ZNF282: variants seen among roughly 807,000 people sequenced by gnomAD.
The protein encoded by ZNF282 is zinc finger protein 282.
ZNF282 carries 30 observed loss-of-function variants against 61.9 expected under a neutral mutation model. That is an observed-to-expected ratio of 0.48 (90% CI 0.36 to 0.66). The LOEUF (loss-of-function observed/expected upper bound fraction) is 0.66. Among genes scored for constraint, ZNF282 ranks in the 30% least tolerant of loss-of-function variants. The pLI, the probability that ZNF282 is intolerant of heterozygous loss-of-function variation, is 0.00. For missense variants in ZNF282, 788 were observed against 941.4 expected, an observed-to-expected ratio of 0.84 and a Z score of 2.13; for synonymous variants, 396 against 405.0, an observed-to-expected ratio of 0.98 and a Z score of 0.27.
chr7:149,214,417 G>A (rs970072395), intron 7 of ZNF282, among the ~76,000 whole-genome samples: 2 of 152,172 alleles, frequency 1.3e-5, no homozygotes, highest in Admixed American at 6.6e-5. Flanking sequence ...TTGGTGGGGA[G>A]GGGGGAAGGC....
Position 149,198,427 on chromosome 7 carries a change from G to A in ZNF282, c.260G>A (p.Arg87Gln), listed in dbSNP as rs760179364. The part of the protein sequence containing the change: ...RAPVFPDRMM[R>Q]EPQLPTAEIS... Reference sequence around the variant, plus strand: ...CCTGTCTTCCCCGACCGCATGATGCGAGAGCCCCAGTTGCCCACAGCAGAG... The same window carrying A: ...CCTGTCTTCCCCGACCGCATGATGCAAGAGCCCCAGTTGCCCACAGCAGAG... The change falls in exon 2 of 8, where the codon CGA (arginine) becomes CAA (glutamine). Residue 87 changes from arginine to glutamine, a missense_variant. Physicochemically the swap from Arg to Gln is conservative, Grantham distance 43 (BLOSUM62 1). Around this residue, in one of 3 missense-constraint regions of ZNF282, gnomAD observed 137 missense variants for 135.4 expected, o/e 1.01. Transcript: ENST00000610704. The surrounding 1 kb of genome is among the most constrained non-coding windows in gnomAD (Gnocchi z 4.3). The A allele has an allele frequency of 2.2e-5, 36 of 1,614,044 alleles. No individual in the cohort carries two copies. Among genetic ancestry groups the A allele is most frequent in the East Asian group, 2.2e-5 (1 of 44,888 alleles).
At chr7:149,207,510 CGA>C in intron 4 of ZNF282, 40 bp downstream of exon 4, 1 of 1,552,066 alleles carries the variant, frequency 6.4e-7, no homozygotes, top group Non-Finnish European at 8.7e-7. Flanking sequence ...CAGGGAAGGG[CGA>C]GAGAGGACAG....
intron 1 of ZNF282, 150 bp downstream of exon 1, chr7:149,195,904 GCCGGGCTGCGCGGC>G: frequency 1.5e-6 from 1 of 649,156 alleles, no homozygotes; most frequent in Non-Finnish European, 1.9e-6. Context: ...GCGGGGCACG[GCCGGGCTGCGCGGC>G]GGGCAGGACG....
At chr7:149,213,517 G>A (rs1585570247) in intron 6 of ZNF282, among the ~76,000 whole-genome samples, 184 bp from the exon 7 acceptor site, 1 of 152,094 alleles carries the variant, frequency 6.6e-6, no homozygotes, top group Admixed American at 6.5e-5. Flanking sequence ...GAAATGCATC[G>A]AGCAGTGAGA....
Position 149,198,241 on chromosome 7 carries a change from A to G in ZNF282, c.166-92A>G. 2 of 1,425,154 alleles carry G rather than the reference A, an allele frequency of 1.4e-6. No homozygotes were observed. The highest frequency in any genetic ancestry group is 1.9e-6 in the Non-Finnish European group (2 of 1,051,720). The allele number at this position is 1,425,154 out of a possible 1,614,324, so 88.3% of individuals were successfully genotyped here. A position where few individuals can be genotyped will look rare whatever the true frequency, so the allele number is the denominator to read the frequency against. Reference sequence around the variant, plus strand: ...GCCTGGCAGAAGAAAGACGACATGTAGCATCTGATTAGTTGACCCCTGTTC... The same window carrying G: ...GCCTGGCAGAAGAAAGACGACATGTGGCATCTGATTAGTTGACCCCTGTTC... On this transcript the variant is annotated intron_variant, in intron 1 of 7. Transcript: ENST00000610704. This position sits in a 1 kb window ranked among gnomAD's most constrained non-coding sequence, Gnocchi z 4.3.
intron 7 of ZNF282, among the ~76,000 whole-genome samples, chr7:149,220,343 C>T (rs574814037): frequency 2.0e-5 from 3 of 151,792 alleles, no homozygotes; most frequent in South Asian, 2.1e-4. Flanking sequence ...ACCCAGGAGG[C>T]GGAGCTTGCA....
chr7:149,199,485 C>A (rs1473956724), intron 2 of ZNF282, among the ~76,000 whole-genome samples: 1 of 152,074 alleles, frequency 6.6e-6, no homozygotes, highest in Non-Finnish European at 1.5e-5. Context: ...CTATTCCCAC[C>A]AGCATGTGAC....
At position 149,218,721 on chromosome 7, in the gene ZNF282, A is replaced by G. The variant is rs577172846; in HGVS notation, c.1180+4907A>G. 2.0e-5 allele frequency among the ~76,000 whole-genome samples: 3 copies of G among 152,224 alleles called. No homozygotes were observed. The South Asian group carries it at 6.2e-4, about 32-fold the overall frequency. On this transcript the variant is annotated intron_variant, in intron 7 of 7. Coordinates refer to ENST00000610704, the MANE Select transcript of ZNF282 (RefSeq NM_003575.4). ...GCTGCAAATTTGGGGGTTCTAGGCC[A>G]CCCTCACTTCTGACCAGCTGGCTAC...
chr7:149,209,040 C>T (rs1383846378), intron 4 of ZNF282, among the ~76,000 whole-genome samples: 6 of 57,090 alleles, frequency 1.1e-4, no homozygotes, highest in South Asian at 7.2e-4. Flanking sequence ...AAAAGAGGGC[C>T]GGGCGCGGTG....
At position 149,224,519 on chromosome 7, in the gene ZNF282, T is replaced by C; in HGVS notation, c.1888T>C (p.Tyr630His). 1 of 1,612,566 alleles carries C rather than the reference T, an allele frequency of 6.2e-7. No individual in the cohort carries two copies. The highest frequency in any genetic ancestry group is 8.5e-7 in the Non-Finnish European group (1 of 1,179,898). ...HQRIHTGERP[Y>H]TCGECGKSFR... The stretch of plus-strand genomic sequence containing the variant: ...GCGCATCCACACGGGCGAGCGCCCC[T>C]ACACGTGCGGCGAGTGCGGCAAGAG... Residue 630 changes from tyrosine (Y) to histidine (H), a missense_variant, in exon 8 of 8, where the codon TAC (tyrosine) becomes CAC (histidine). This residue lies in a region of ZNF282 where 559 missense variants were observed against 642.0 expected (regional missense o/e 0.87). Transcript: ENST00000610704.
intron 7 of ZNF282, among the ~76,000 whole-genome samples, chr7:149,220,284 C>T (rs368636060): frequency 4.7e-4 from 72 of 151,754 alleles, no homozygotes; most frequent in African/African-American, 1.6e-3. Context: ...TCGTGGTGGG[C>T]GCCTGTAGTC....
rs1271829498 is a variant in ZNF282 at position 149,197,558 on chromosome 7, C to T, written c.166-775C>T. On this transcript the variant is annotated intron_variant, in intron 1 of 7. Coordinates refer to ENST00000610704, the MANE Select transcript of ZNF282 (RefSeq NM_003575.4). The stretch of plus-strand genomic sequence containing the variant: ...CACCATCTCGGCTCACTGCAACCTC[C>T]GCTTCCCAGGTTCAAGCGATTCTCC... Among the ~76,000 whole-genome samples the T allele has an allele frequency of 3.4e-4, 52 of 152,150 alleles. 1 individual carries two copies. The highest frequency in any genetic ancestry group is 1.5e-5 in the Non-Finnish European group (1 of 68,026).
chr7:149,210,767 T>TC, intron 5 of ZNF282, 63 bp downstream of exon 5: 1 of 1,466,730 alleles, frequency 6.8e-7, no homozygotes, highest in East Asian at 2.4e-5. Context: ...GTTAGCATGG[T>TC]CTGCCAGCCC....
intron 5 of ZNF282, among the ~76,000 whole-genome samples, chr7:149,211,490 A>C (rs1201772520): frequency 3.9e-5 from 6 of 152,140 alleles, no homozygotes; most frequent in Non-Finnish European, 8.8e-5. Flanking sequence ...CATAGAGGGC[A>C]ATCTGCTTGA....
intron 7 of ZNF282, 119 bp from the exon 8 acceptor site, chr7:149,223,693 C>T: frequency 8.9e-7 from 1 of 1,120,806 alleles, no homozygotes; most frequent in Non-Finnish European, 1.2e-6. Context: ...CTTGTGCAAT[C>T]CCTCGTAGTT....
intron 4 of ZNF282, among the ~76,000 whole-genome samples, chr7:149,209,666 C>T (rs1202421): frequency 0.14 from 20,843 of 152,098 alleles, 1,597 homozygotes; most frequent in Middle Eastern, 0.19. Flanking sequence ...GGCTAAATGA[C>T]TCATCCACTG....
intron 7 of ZNF282, among the ~76,000 whole-genome samples, chr7:149,216,837 T>A (rs915625231): frequency 2.0e-5 from 3 of 152,192 alleles, no homozygotes; most frequent in African/African-American, 7.2e-5. Flanking sequence ...CTCAACCCAA[T>A]TGGATATTAC....
chr7:149,202,270 G>A (rs1237994174), intron 2 of ZNF282, among the ~76,000 whole-genome samples: 3 of 143,742 alleles, frequency 2.1e-5, no homozygotes, highest in African/African-American at 2.6e-5. Context: ...TCAGCCTCCC[G>A]AGTAGCTGGA....
intron 7 of ZNF282, among the ~76,000 whole-genome samples, chr7:149,220,944 A>T (rs1796239097): frequency 7.0e-6 from 1 of 143,826 alleles, no homozygotes; most frequent in Non-Finnish European, 1.5e-5. Context: ...TTTTGAGATA[A>T]GGTTTCACTC....
Sources: gnomAD v4.1 joint callset for allele counts (sites outside exome capture counted in the v4.1 genomes callset) on GRCh38, gnomAD v4.1.1 for gene constraint, gnomAD v4.1.1 regional missense constraint, Gnocchi (gnomAD v3.1) non-coding constraint, MANE v1.5 for transcripts, NCBI Gene and HGNC (gene_info 2026-07-23, HGNC 2026-07-21) for gene names.